SFMBT1: variants seen among roughly 807,000 people sequenced by gnomAD.
SFMBT1 encodes the protein Scm like with four mbt domains 1.
A neutral mutation model predicts 108.7 loss-of-function variants in SFMBT1; 32 were observed. That is an observed-to-expected ratio of 0.29 (90% CI 0.22 to 0.40). SFMBT1 has a LOEUF of 0.40. Among genes scored for constraint, SFMBT1 ranks in the 10% least tolerant of loss-of-function variants. SFMBT1 has a pLI of 1.00. For missense variants in SFMBT1, 816 were observed against 1,059.6 expected (o/e 0.77, Z 3.19); for synonymous variants, 348 against 369.5 (o/e 0.94, Z 0.67).
intron 1 of SFMBT1, among the ~76,000 whole-genome samples, chr3:53,009,032 C>T (rs1312373624): frequency 6.6e-6 from 1 of 151,832 alleles, no homozygotes; most frequent in African/African-American, 2.4e-5. Context: ...CCCAACTACT[C>T]GGGAGGCTTG....
intron 1 of SFMBT1, among the ~76,000 whole-genome samples, chr3:53,042,533 GTC>G (rs1307821189): frequency 6.6e-6 from 1 of 152,020 alleles, no homozygotes; most frequent in East Asian, 1.9e-4. Context: ...GAGACACAGG[GTC>G]TCCCTTTTCT....
intron 10 of SFMBT1, among the ~76,000 whole-genome samples, chr3:52,924,961 C>T (rs575883393): frequency 2.0e-5 from 3 of 151,816 alleles, no homozygotes; most frequent in Non-Finnish European, 4.4e-5. Context: ...TGGCTCATAC[C>T]TGTAATCCCA....
intron 1 of SFMBT1, among the ~76,000 whole-genome samples, chr3:52,981,497 A>C (rs1704709229): frequency 6.6e-6 from 1 of 151,144 alleles, no homozygotes; most frequent in Admixed American, 6.6e-5. Flanking sequence ...CTAGTAGCTA[A>C]GACTACAGGC....
intron 20 of SFMBT1, 82 bp from the exon 21 acceptor site, chr3:52,905,358 T>G: frequency 6.9e-7 from 1 of 1,447,404 alleles, no homozygotes; most frequent in Non-Finnish European, 9.3e-7. Context: ...TCACTTTAGC[T>G]CTGTCAAAAC....
At chr3:52,938,385 C>A (rs969338611) in intron 4 of SFMBT1, among the ~76,000 whole-genome samples, 6 of 152,058 alleles carry the variant, frequency 3.9e-5, no homozygotes, top group Non-Finnish European at 2.9e-5. Context: ...CCCGTTTACA[C>A]ATATAGTTTC....
chr3:53,025,115 C>T (rs1699444398), intron 1 of SFMBT1, among the ~76,000 whole-genome samples: 1 of 152,072 alleles, frequency 6.6e-6, no homozygotes, highest in Non-Finnish European at 1.5e-5. Flanking sequence ...TTTTATTAAA[C>T]TGGTCAAGTT....
At chr3:52,915,893 G>A (rs1702333665) in intron 14 of SFMBT1, among the ~76,000 whole-genome samples, 1 of 152,154 alleles carries the variant, frequency 6.6e-6, no homozygotes, top group African/African-American at 2.4e-5. Flanking sequence ...GGTAACATTG[G>A]CCTTCTGAGC....
At chr3:52,944,767 C>T (rs1703302738) in intron 3 of SFMBT1, among the ~76,000 whole-genome samples, 1 of 152,038 alleles carries the variant, frequency 6.6e-6, no homozygotes, top group Admixed American at 6.6e-5. Flanking sequence ...GTGATCCACC[C>T]ACCTCAGCCT....
At chr3:52,941,796 G>C (rs1411725367) in intron 4 of SFMBT1, among the ~76,000 whole-genome samples, 1 of 151,980 alleles carries the variant, frequency 6.6e-6, no homozygotes, top group Non-Finnish European at 1.5e-5. Context: ...TACTTGGCAG[G>C]GGTGAGGTGG....
chr3:52,996,879 C>T (rs1698352512), intron 1 of SFMBT1, among the ~76,000 whole-genome samples: 1 of 149,684 alleles, frequency 6.7e-6, no homozygotes, highest in Non-Finnish European at 1.5e-5. Context: ...ACCATCCTGG[C>T]TAAAACGGTG....
Position 52,995,143 on chromosome 3 carries a change from C to T in SFMBT1, c.-130-25885G>A, listed in dbSNP as rs1450471742. ...ATACCTAAATAAATGGAGAGGCATA[C>T]GATATTCACAGACTAAAAGATCCAA... On this transcript the variant is annotated intron_variant, in intron 1 of 20. Coordinates refer to ENST00000394752, the MANE Select transcript of SFMBT1 (RefSeq NM_016329.4). Among the ~76,000 whole-genome samples, 8 of 148,348 alleles carry T rather than the reference C, an allele frequency of 5.4e-5. 1 individual carries two copies. The East Asian group carries it at 1.2e-3, about 22-fold the overall frequency.
At chr3:53,020,378 A>C (rs1425808180) in intron 1 of SFMBT1, among the ~76,000 whole-genome samples, 2 of 152,152 alleles carry the variant, frequency 1.3e-5, no homozygotes. Flanking sequence ...TGACAGAATG[A>C]GACTCCATCT....
chr3:52,966,353 C>T (rs545156614), intron 2 of SFMBT1, among the ~76,000 whole-genome samples: 19 of 148,720 alleles, frequency 1.3e-4, no homozygotes, highest in Admixed American at 6.7e-4. Context: ...AAAGCCGGCG[C>T]GGTGGCTCAC....
At chr3:52,950,628 T>C (rs751357273) in intron 3 of SFMBT1, among the ~76,000 whole-genome samples, 18 of 152,030 alleles carry the variant, frequency 1.2e-4, no homozygotes, top group Non-Finnish European at 1.9e-4. Context: ...GCACCCACCA[T>C]CATGCCTGTC....
rs574112759 is a variant in SFMBT1 at position 52,999,237 on chromosome 3, G to A, written c.-130-29979C>T. 9.3e-5 allele frequency among the ~76,000 whole-genome samples: 14 copies of A among 150,882 alleles called. 2 individuals are homozygous for A. The highest frequency in any genetic ancestry group is 2.1e-4 in the South Asian group (1 of 4,772). Reference sequence around the variant, plus strand: ...GCTGCTGGGTCAAGGCGTTCCCGGGGTGAAGGTGGATAAGCAGACCACCAA... The same window carrying A: ...GCTGCTGGGTCAAGGCGTTCCCGGGATGAAGGTGGATAAGCAGACCACCAA... On this transcript the variant is annotated intron_variant, in intron 1 of 20. Transcript: ENST00000394752.
chr3:53,001,042 C>T (rs1218858700), intron 1 of SFMBT1, among the ~76,000 whole-genome samples: 1 of 150,062 alleles, frequency 6.7e-6, no homozygotes, highest in Non-Finnish European at 1.5e-5. Flanking sequence ...ACTGTTTAGT[C>T]TACTTTTATA....
chr3:53,007,143 TATC>T (rs1160016314), intron 1 of SFMBT1, among the ~76,000 whole-genome samples: 5 of 152,272 alleles, frequency 3.3e-5, no homozygotes, highest in Non-Finnish European at 7.3e-5. Flanking sequence ...TAAAATGCTT[TATC>T]AATCAAAAGT....
chr3:52,986,137 C>T (rs759751266), intron 1 of SFMBT1, among the ~76,000 whole-genome samples: 26 of 119,540 alleles, frequency 2.2e-4, no homozygotes, highest in Non-Finnish European at 3.4e-4. Context: ...AGTGAGACTC[C>T]GTCTCAGGAA....
chr3:52,991,143 C>G (rs13064820), intron 1 of SFMBT1, among the ~76,000 whole-genome samples: 5 of 152,058 alleles, frequency 3.3e-5, no homozygotes, highest in East Asian at 1.9e-4. Flanking sequence ...GCTGGTGACT[C>G]TAAAAGTTAG....
Sources: gnomAD v4.1 joint callset for allele counts (sites outside exome capture counted in the v4.1 genomes callset) on GRCh38, gnomAD v4.1.1 for gene constraint, MANE v1.5 for transcripts, NCBI Gene and HGNC (gene_info 2026-07-23, HGNC 2026-07-21) for gene names.